The following CLEC2A variants were observed in gnomAD, a reference collection of about 807,000 sequenced individuals.
CLEC2A encodes C-type lectin domain family 2 member A.
Under a neutral mutation model 18.6 loss-of-function variants are expected in CLEC2A, and 19 were observed. The observed-to-expected ratio is 1.02, with a 90% CI of 0.71 to 1.50. The LOEUF (loss-of-function observed/expected upper bound fraction) is 1.50. CLEC2A is among the 40% of genes most tolerant of loss of function. CLEC2A has a pLI of 0.00. For synonymous variants in CLEC2A, 74 were observed against 64.0 expected (o/e 1.16, Z -0.75); for missense variants, 190 against 207.9 (o/e 0.91, Z 0.53).
downstream of CLEC2A, among the ~76,000 whole-genome samples, chr12:9,897,847 C>G (rs1386101616): frequency 2.0e-5 from 3 of 152,146 alleles, no homozygotes; most frequent in African/African-American, 7.2e-5. Context: ...CCTTATCTGC[C>G]TACTGCATCT....
chr12:9,886,147 A>G, the CLEC2A span, among the ~76,000 whole-genome samples: 13 of 152,298 alleles, frequency 8.5e-5, no homozygotes, highest in South Asian at 2.7e-3. Context: ...TTGATGAATT[A>G]CTAGTAGTAA....
At chr12:9,906,139 C>T (rs963630566) in intron 4 of CLEC2A, among the ~76,000 whole-genome samples, 1 of 151,862 alleles carries the variant, frequency 6.6e-6, no homozygotes, top group Admixed American at 6.6e-5. Flanking sequence ...CCCAGTGGGC[C>T]CCTTGATGCA....
downstream of CLEC2A, among the ~76,000 whole-genome samples, chr12:9,894,636 A>G (rs980011131): frequency 6.6e-6 from 1 of 152,174 alleles, no homozygotes; most frequent in African/African-American, 2.4e-5. Context: ...TACTAGTCAT[A>G]CTACCAAAAC....
At chr12:9,916,893 G>GAATGTGAATCCTAAAA in intron 3 of CLEC2A, 90 bp from the exon 4 acceptor site, 2 of 750,016 alleles carry the variant, frequency 2.7e-6, no homozygotes, top group Non-Finnish European at 4.6e-6. Context: ...CTATCTTTTA[G>GAATGTGAATCCTAAAA]GATTCACATT....
downstream of CLEC2A, among the ~76,000 whole-genome samples, chr12:9,908,555 T>G (rs1260117756): frequency 6.6e-6 from 1 of 152,234 alleles, no homozygotes; most frequent in South Asian, 2.1e-4. Context: ...AGTTCATATT[T>G]GGGTCCCACC....
intron 1 of CLEC2A, among the ~76,000 whole-genome samples, chr12:9,931,997 C>G (rs571018236): frequency 6.6e-6 from 1 of 152,214 alleles, no homozygotes; most frequent in African/African-American, 2.4e-5. Context: ...AATTTTTTCC[C>G]TGTGAAAGTA....
chr12:9,903,242 C>T (rs1862861310), intron 4 of CLEC2A, among the ~76,000 whole-genome samples: 1 of 151,332 alleles, frequency 6.6e-6, no homozygotes, highest in Non-Finnish European at 1.5e-5. Context: ...TGCTGTTCTT[C>T]TTGATCACCT....
chr12:9,879,751 A>G, the CLEC2A span, among the ~76,000 whole-genome samples: 19 of 152,208 alleles, frequency 1.2e-4, no homozygotes, highest in Non-Finnish European at 1.8e-4. Flanking sequence ...TTTATAAGAC[A>G]TATGTTCACC....
intron 1 of CLEC2A, 88 bp downstream of exon 1, chr12:9,932,187 A>G (rs2137062854): frequency 1.1e-6 from 1 of 951,138 alleles, no homozygotes. Context: ...AGACTTTCAC[A>G]GTAAGTAAAG....
chr12:9,932,050 A>T (rs1863383883), intron 1 of CLEC2A, among the ~76,000 whole-genome samples: 2 of 152,328 alleles, frequency 1.3e-5, no homozygotes, highest in South Asian at 4.1e-4. Context: ...CACGTACCAT[A>T]AAATTCTGCC....
intron 3 of CLEC2A, among the ~76,000 whole-genome samples, chr12:9,919,013 G>A (rs984617661): frequency 7.9e-5 from 12 of 152,270 alleles, no homozygotes; most frequent in African/African-American, 2.6e-4. Flanking sequence ...GCGCTTGGAC[G>A]TATTTGTCAG....
At chr12:9,895,174 A>C (rs1453497550), downstream of CLEC2A, among the ~76,000 whole-genome samples, 1 of 152,228 alleles carries the variant, frequency 6.6e-6, no homozygotes, top group Non-Finnish European at 1.5e-5. Context: ...CTCCCAACTC[A>C]CATCATTATA....
At position 9,922,148 on chromosome 12, in the gene CLEC2A, T is replaced by C. The variant is rs1369836276; in HGVS notation, c.224A>G (p.Asp75Gly). ...VRDKCFYFSD[D>G]TRNWTASKIF... ...TTTACTGGCTGTCCAATTTCTGGTA[T>C]CATCAGAAAAATAGAAACACTTATC... Residue 75 changes from aspartate (D) to glycine (G), a missense_variant, in exon 3 of 5, where the codon GAT becomes GGT. By Grantham distance (94) the Asp-to-Gly change is moderately conservative (BLOSUM62 -1). Transcript: ENST00000455827. The C allele has an allele frequency of 6.4e-7, 1 of 1,550,778 alleles. No individual in the cohort carries two copies. Among genetic ancestry groups the C allele is most frequent in the South Asian group, 1.2e-5 (1 of 83,988 alleles).
chr12:9,931,412 T>G (rs1028642211), intron 1 of CLEC2A, among the ~76,000 whole-genome samples: 1 of 152,168 alleles, frequency 6.6e-6, no homozygotes, highest in Non-Finnish European at 1.5e-5. Context: ...AAATAGAACA[T>G]CCTTAAATTA....
At chr12:9,888,297 T>C in the CLEC2A span, among the ~76,000 whole-genome samples, 1 of 151,658 alleles carries the variant, frequency 6.6e-6, no homozygotes, top group Non-Finnish European at 1.5e-5. Context: ...GAGACCATCC[T>C]GGCTAATATC....
At chr12:9,908,870 G>A (rs1591787355), downstream of CLEC2A, among the ~76,000 whole-genome samples, 1 of 152,132 alleles carries the variant, frequency 6.6e-6, no homozygotes, top group East Asian at 1.9e-4. Flanking sequence ...ATAGATTTTG[G>A]CCCCCTGGGG....
chr12:9,914,263 A>G (rs1037886791), intron 4 of CLEC2A, among the ~76,000 whole-genome samples: 4 of 152,240 alleles, frequency 2.6e-5, no homozygotes, highest in African/African-American at 7.2e-5. Flanking sequence ...GAAAGAATCA[A>G]TATTGTGAAA....
chr12:9,902,325 C>T (rs532587369), intron 4 of CLEC2A, among the ~76,000 whole-genome samples: 139 of 151,606 alleles, frequency 9.2e-4, no homozygotes, highest in African/African-American at 3.2e-3. Context: ...CCTCTGCCTC[C>T]TGGGTTCAAG....
chr12:9,880,883 T>G, the CLEC2A span, among the ~76,000 whole-genome samples: 1 of 152,132 alleles, frequency 6.6e-6, no homozygotes, highest in Admixed American at 6.5e-5. Context: ...CTCACAGAAA[T>G]AAGCAGAATG....
Sources: gnomAD v4.1 joint callset for allele counts (sites outside exome capture counted in the v4.1 genomes callset) on GRCh38, gnomAD v4.1.1 for gene constraint, MANE v1.5 for transcripts, NCBI Gene and HGNC (gene_info 2026-07-23, HGNC 2026-07-21) for gene names.